ULK4: variants seen among roughly 807,000 people sequenced by gnomAD.
ULK4 encodes the protein inactive serine/threonine-protein kinase ULK4.
ULK4 carries 133 observed loss-of-function variants against 160.6 expected under a neutral mutation model. The ratio of observed to expected loss-of-function variants is 0.83; its 90% confidence interval spans 0.72 to 0.96. The LOEUF is 0.96. Among genes scored for constraint, ULK4 ranks in the 40% least tolerant of loss-of-function variants. ULK4 has a pLI of 0.00. For missense variants in ULK4, 1,580 were observed against 1,499.5 expected, an observed-to-expected ratio of 1.05 and a Z score of -0.89; for synonymous variants, 534 against 539.8, an observed-to-expected ratio of 0.99 and a Z score of 0.15.
intron 32 of ULK4, among the ~76,000 whole-genome samples, chr3:41,538,911 A>G (rs57628227): frequency 0.061 from 9,338 of 151,840 alleles, 859 homozygotes; most frequent in African/African-American, 0.2. Context: ...CTTTTTATCT[A>G]TTTTTTATAT....
chr3:41,800,886 T>C (rs1449387202), intron 19 of ULK4, among the ~76,000 whole-genome samples: 1 of 152,166 alleles, frequency 6.6e-6, no homozygotes, highest in Non-Finnish European at 1.5e-5. Flanking sequence ...TTTCAGGTAA[T>C]ATAAATGAGT....
chr3:41,400,520 T>G (rs2082156957), intron 34 of ULK4, among the ~76,000 whole-genome samples: 1 of 152,210 alleles, frequency 6.6e-6, no homozygotes, highest in Non-Finnish European at 1.5e-5. Flanking sequence ...AGTTCATTTC[T>G]TTTTATTACT....
chr3:41,559,866 G>C (rs1291347077), intron 32 of ULK4, among the ~76,000 whole-genome samples: 3 of 152,162 alleles, frequency 2.0e-5, no homozygotes, highest in African/African-American at 7.2e-5. Flanking sequence ...AAGCTCTTTA[G>C]TTTAATTAGA....
chr3:41,785,035 A>C (rs910200798), intron 21 of ULK4, among the ~76,000 whole-genome samples: 4 of 152,354 alleles, frequency 2.6e-5, no homozygotes, highest in African/African-American at 9.6e-5. Flanking sequence ...GTACCCACAT[A>C]ATCTACCTTT....
chr3:41,579,485 ATTTTTTTTTTT>A (rs59650826), intron 31 of ULK4, among the ~76,000 whole-genome samples: 5 of 85,194 alleles, frequency 5.9e-5, no homozygotes, highest in African/African-American at 1.3e-4. Flanking sequence ...TGGAACTAAT[ATTTTTTTTTTT>A]TTTTTTTTTT....
At chr3:41,297,747 G>A (rs1204264238) in intron 35 of ULK4, among the ~76,000 whole-genome samples, 1 of 152,210 alleles carries the variant, frequency 6.6e-6, no homozygotes, top group Non-Finnish European at 1.5e-5. Context: ...GCCCACTGCT[G>A]ACTTCAAAAG....
chr3:41,709,976 G>T (rs905175290), intron 25 of ULK4, among the ~76,000 whole-genome samples: 1 of 152,070 alleles, frequency 6.6e-6, no homozygotes, highest in Non-Finnish European at 1.5e-5. Context: ...AATAATTTTT[G>T]TGGAAGAGAT....
chr3:41,708,230 T>C (rs2036973308), intron 25 of ULK4, among the ~76,000 whole-genome samples: 1 of 152,034 alleles, frequency 6.6e-6, no homozygotes, highest in African/African-American at 2.4e-5. Flanking sequence ...AAGAAATATC[T>C]GCACTCCCAT....
chr3:41,920,913 T>C (rs755682528), intron 5 of ULK4, among the ~76,000 whole-genome samples: 2 of 152,198 alleles, frequency 1.3e-5, no homozygotes, highest in Non-Finnish European at 2.9e-5. Context: ...TGGAACACCC[T>C]TGCACTCTGT....
intron 4 of ULK4, 86 bp downstream of exon 4, chr3:41,935,714 AT>A: frequency 6.8e-7 from 1 of 1,463,082 alleles, no homozygotes; most frequent in South Asian, 1.4e-5. Context: ...CTATACCAAA[AT>A]TTTATCCAAA....
intron 2 of ULK4, among the ~76,000 whole-genome samples, chr3:41,950,294 G>A (rs1191119982): frequency 6.6e-6 from 1 of 152,000 alleles, no homozygotes; most frequent in Admixed American, 6.6e-5. Context: ...AGGCTGGAGT[G>A]CAGTGGTGCA....
intron 35 of ULK4, among the ~76,000 whole-genome samples, chr3:41,304,533 T>A (rs1421733765): frequency 6.6e-6 from 1 of 152,162 alleles, no homozygotes; most frequent in East Asian, 1.9e-4. Context: ...AGTAGCAAGC[T>A]GCAGAGATCA....
intron 32 of ULK4, among the ~76,000 whole-genome samples, chr3:41,530,321 T>C (rs543310922): frequency 1.5e-4 from 23 of 152,226 alleles, no homozygotes; most frequent in African/African-American, 5.3e-4. Flanking sequence ...TTCAAAAAGA[T>C]AGGGTTCAGA....
At chr3:41,731,494 G>T (rs771280752) in intron 22 of ULK4, among the ~76,000 whole-genome samples, 27 of 151,896 alleles carry the variant, frequency 1.8e-4, no homozygotes, top group Non-Finnish European at 3.4e-4. Context: ...ACAAGTAAAT[G>T]GAAAGATACT....
chr3:41,937,455 T>G, intron 3 of ULK4: 1 of 584,572 alleles, frequency 1.7e-6, no homozygotes, highest in Non-Finnish European at 3.0e-6. Flanking sequence ...AATAATTATA[T>G]CAATATTCAA....
chr3:41,317,750 G>T (rs2080173194), intron 35 of ULK4, among the ~76,000 whole-genome samples: 2 of 152,144 alleles, frequency 1.3e-5, no homozygotes, highest in Non-Finnish European at 2.9e-5. Context: ...CAATTTGGCA[G>T]GAAAAAATTA....
rs578211323 is a variant in ULK4 at position 41,459,044 on chromosome 3, G to A, written c.3394-3449C>T. On this transcript the variant is annotated intron_variant, in intron 33 of 36. Coordinates refer to ENST00000301831, the MANE Select transcript of ULK4 (RefSeq NM_017886.4). Reference sequence around the variant, plus strand: ...GCTGGGATTACAGGTGTCAGCCACCGTGCCCAGCCTTTATTTTTATTTTTT... The same window carrying A: ...GCTGGGATTACAGGTGTCAGCCACCATGCCCAGCCTTTATTTTTATTTTTT... 1.1e-3 allele frequency among the ~76,000 whole-genome samples: 161 copies of A among 150,768 alleles called. 4 individuals are homozygous for A. The highest frequency in any genetic ancestry group is 0.01 in the Admixed American group (153 of 15,142).
chr3:41,760,439 C>A (rs1241297364), intron 21 of ULK4, among the ~76,000 whole-genome samples: 1 of 152,074 alleles, frequency 6.6e-6, no homozygotes, highest in African/African-American at 2.4e-5. Flanking sequence ...CTTAAGTTCA[C>A]AGAAAACCTT....
chr3:41,759,456 A>G (rs1393747432), intron 21 of ULK4, among the ~76,000 whole-genome samples: 1 of 152,196 alleles, frequency 6.6e-6, no homozygotes, highest in East Asian at 1.9e-4. Context: ...CTGTACATTA[A>G]AAATTCTAAA....
Sources: allele counts gnomAD v4.1 joint callset (sites outside exome capture counted in the v4.1 genomes callset), GRCh38; gene constraint gnomAD v4.1.1; transcripts MANE v1.5; gene names NCBI Gene and HGNC (gene_info 2026-07-23, HGNC 2026-07-21).